NEO1: variants seen among roughly 807,000 people sequenced by gnomAD.
The protein encoded by NEO1 is neogenin.
A neutral mutation model predicts 159.7 loss-of-function variants in NEO1; 63 were observed. That is an observed-to-expected ratio of 0.39 (90% CI 0.32 to 0.49). The LOEUF (loss-of-function observed/expected upper bound fraction) is 0.49, where lower values mean the gene tolerates loss of function less well. Among genes scored for constraint, NEO1 ranks in the 20% least tolerant of loss-of-function variants. The pLI, the probability that NEO1 is intolerant of heterozygous loss-of-function variation, is 0.85. For synonymous variants in NEO1, 633 were observed against 662.0 expected, an observed-to-expected ratio of 0.96 and a Z score of 0.67; for missense variants, 1,615 against 1,831.0, an observed-to-expected ratio of 0.88 and a Z score of 2.15.
intron 13 of NEO1, among the ~76,000 whole-genome samples, chr15:73,257,265 T>TAA (rs10670933): frequency 0.099 from 14,182 of 143,108 alleles, 912 homozygotes; most frequent in African/African-American, 0.18. Context: ...TTGTTGCTGT[T>TAA]AAAAAAAAAA....
At chr15:73,095,090 T>C (rs1329695302) in intron 1 of NEO1, among the ~76,000 whole-genome samples, 1 of 151,982 alleles carries the variant, frequency 6.6e-6, no homozygotes, top group East Asian at 1.9e-4. Context: ...GCACCTGAAG[T>C]TTCAGCTACT....
chr15:73,201,954 C>CTTTTTTTTTTTTTTTTTTT (rs1206304409), intron 7 of NEO1, among the ~76,000 whole-genome samples: 1 of 83,456 alleles, frequency 1.2e-5, no homozygotes, highest in Non-Finnish European at 2.2e-5. Context: ...CTATATCATT[C>CTTTTTTTTTTTTTTTTTTT]TTTTTTTTTT....
intron 1 of NEO1, among the ~76,000 whole-genome samples, chr15:73,070,668 C>A (rs2068486951): frequency 6.6e-6 from 1 of 152,100 alleles, no homozygotes; most frequent in African/African-American, 2.4e-5. Context: ...CAGTTTTTTT[C>A]CCTGTACATA....
chr15:73,267,156 G>A (rs2040944583), intron 16 of NEO1, among the ~76,000 whole-genome samples: 1 of 152,194 alleles, frequency 6.6e-6, no homozygotes, highest in African/African-American at 2.4e-5. Context: ...AACTCGGAAG[G>A]CTGAGGAAGG....
rs535548444 is a variant in NEO1 at position 73,305,149 on chromosome 15, G to A, written c.*2453G>A. ...GTAAACTCTATGGCTTTTTAAAAAC[G>A]ATTTCATGTTTTTATTTAGTATTGG... On this transcript the variant is annotated 3_prime_UTR_variant, in exon 29 of 29. Coordinates refer to ENST00000261908, the MANE Select transcript of NEO1 (RefSeq NM_002499.4). 20 of 151,936 alleles carry A rather than the reference G, an allele frequency of 1.3e-4. No individual in the cohort carries two copies. Among genetic ancestry groups the A allele is most frequent in the Non-Finnish European group, 2.4e-4 (16 of 67,946 alleles). The allele number at this position is 151,936 out of a possible 1,614,324, so 9.4% of individuals were successfully genotyped here. A position where few individuals can be genotyped will look rare whatever the true frequency, so the allele number is the denominator to read the frequency against.
At position 73,254,917 on chromosome 15, in the gene NEO1, G is replaced by T. The variant is rs1449761697; in HGVS notation, c.2092+88G>T. On this transcript the variant is annotated intron_variant, in intron 13 of 28. Coordinates refer to ENST00000261908, the MANE Select transcript of NEO1 (RefSeq NM_002499.4). ...AGTCTAATGACTGCTCTGAACTGTC[G>T]ACTTATACAAACAAATTTAAAATGG... is the stretch of plus-strand genomic sequence containing the variant. 5.1e-6 allele frequency: 7 copies of T among 1,378,932 alleles called. No homozygotes were observed. The South Asian group carries it at 8.0e-5, about 16-fold the overall frequency. 85.4% of individuals were successfully genotyped at this position (1,378,932 alleles called of 1,614,324 possible). A position where few individuals can be genotyped will look rare whatever the true frequency, so the allele number is the denominator to read the frequency against.
At chr15:73,075,582 G>A (rs1005561777) in intron 1 of NEO1, among the ~76,000 whole-genome samples, 1 of 152,116 alleles carries the variant, frequency 6.6e-6, no homozygotes, top group Non-Finnish European at 1.5e-5. Flanking sequence ...GCATCTAGAA[G>A]TACAAGTTGA....
Position 73,281,005 on chromosome 15 carries a change from A to G in NEO1, c.3263-1959A>G, listed in dbSNP as rs1209247773. Among the ~76,000 whole-genome samples, 16 of 151,668 alleles carry G rather than the reference A, an allele frequency of 1.1e-4. 1 individual carries two copies. Among genetic ancestry groups the G allele is most frequent in the Admixed American group, 1.1e-3 (16 of 15,224 alleles). On this transcript the variant is annotated intron_variant, in intron 22 of 28. Coordinates refer to ENST00000261908, the MANE Select transcript of NEO1 (RefSeq NM_002499.4). ...CAGATCACGAGGTCAGGAGATCGAG[A>G]CCATCCTGGCAAACACTGTGAAACC... is the stretch of plus-strand genomic sequence containing the variant.
chr15:73,196,169 G>A (rs1360722815), intron 7 of NEO1, among the ~76,000 whole-genome samples: 1 of 152,196 alleles, frequency 6.6e-6, no homozygotes. Context: ...GCCCACTGCT[G>A]TGGTAGGTGC....
At chr15:73,215,258 A>G (rs143884347) in intron 7 of NEO1, among the ~76,000 whole-genome samples, 1,946 of 152,206 alleles carry the variant, frequency 0.013, 30 homozygotes, top group African/African-American at 0.044. Context: ...ACCGATTTGG[A>G]TGCCCTTTAT....
chr15:73,184,465 C>T (rs1161426567), intron 7 of NEO1, among the ~76,000 whole-genome samples: 2 of 152,228 alleles, frequency 1.3e-5, no homozygotes, highest in Non-Finnish European at 2.9e-5. Flanking sequence ...CCAGCAGTTG[C>T]ACTTCTTTGT....
intron 5 of NEO1, among the ~76,000 whole-genome samples, chr15:73,147,214 G>A (rs368570885): frequency 6.6e-5 from 10 of 152,272 alleles, no homozygotes; most frequent in African/African-American, 2.4e-4. Context: ...TACATTATAG[G>A]CATTCAGTAA....
chr15:73,155,595 C>T (rs913411387), intron 5 of NEO1, among the ~76,000 whole-genome samples: 1 of 152,136 alleles, frequency 6.6e-6, no homozygotes, highest in Non-Finnish European at 1.5e-5. Flanking sequence ...CAGGAATACC[C>T]GTAATTCACA....
chr15:73,291,992 G>C (rs2042180984), intron 25 of NEO1, among the ~76,000 whole-genome samples: 1 of 152,086 alleles, frequency 6.6e-6, no homozygotes, highest in Non-Finnish European at 1.5e-5. Flanking sequence ...TGACTCCCCA[G>C]TTACCTCAAG....
chr15:73,274,014 C>T lies in NEO1; in HGVS notation c.3160+9C>T, dbSNP rs138794179. The T allele has an allele frequency of 6.5e-5, 105 of 1,610,580 alleles. 1 individual carries two copies. The Admixed American group carries it at 1.7e-3, about 26-fold the overall frequency. On this transcript the variant is annotated intron_variant, in intron 20 of 28. Transcript: ENST00000261908. ...ATTCAGAACACCTAAAGGTAATGCT[C>T]CCCAAGCTGAGGGTTTTGTTGTGTG... is the stretch of plus-strand genomic sequence containing the variant.
intron 5 of NEO1, among the ~76,000 whole-genome samples, chr15:73,137,521 G>A (rs1005240581): frequency 6.6e-6 from 1 of 152,094 alleles, no homozygotes; most frequent in Non-Finnish European, 1.5e-5. Context: ...GCTCACTGCA[G>A]CCTCTCCCTC....
intron 7 of NEO1, among the ~76,000 whole-genome samples, chr15:73,208,615 A>G (rs2037371392): frequency 6.6e-6 from 1 of 152,204 alleles, no homozygotes; most frequent in African/African-American, 2.4e-5. Context: ...TAATCCCAGC[A>G]CTTTGGGAGG....
At chr15:73,176,973 A>C (rs1427551664) in intron 6 of NEO1, among the ~76,000 whole-genome samples, 1 of 152,164 alleles carries the variant, frequency 6.6e-6, no homozygotes, top group Non-Finnish European at 1.5e-5. Context: ...CCTTTTGAAA[A>C]ACATAATATG....
intron 5 of NEO1, among the ~76,000 whole-genome samples, chr15:73,166,312 C>G (rs1355218479): frequency 6.6e-6 from 1 of 152,108 alleles, no homozygotes; most frequent in Non-Finnish European, 1.5e-5. Context: ...AAATGAAAAA[C>G]TAGAATTACC....
Sources: allele counts gnomAD v4.1 joint callset (sites outside exome capture counted in the v4.1 genomes callset), GRCh38; gene constraint gnomAD v4.1.1; transcripts MANE v1.5; gene names NCBI Gene and HGNC (gene_info 2026-07-23, HGNC 2026-07-21).